The following CSMD1 variants were observed in gnomAD, a reference collection of about 807,000 sequenced individuals.
CSMD1 encodes the protein CUB and sushi domain-containing protein 1.
CSMD1 carries 213 observed loss-of-function variants against 417.5 expected under a neutral mutation model. The observed-to-expected ratio is 0.51, with a 90% confidence interval of 0.46 to 0.57. The LOEUF is 0.57. Ranked by LOEUF, CSMD1 falls within the 20% of genes least tolerant of loss-of-function variation. The probability of loss-of-function intolerance (pLI) is 0.00; values close to 1 mark genes in which losing one functional copy is unlikely to be tolerated. For synonymous variants in CSMD1, 2,862 were observed against 1,736.8 expected (o/e 1.65, Z -16.11); for missense variants, 6,923 against 4,529.7 (o/e 1.53, Z -15.17).
intron 3 of CSMD1, among the ~76,000 whole-genome samples, chr8:4,137,973 G>GA: frequency 6.7e-6 from 1 of 148,642 alleles, no homozygotes; most frequent in Non-Finnish European, 1.5e-5. Flanking sequence ...CATCTCCTCG[G>GA]TTCACGCCAT....
intron 3 of CSMD1, among the ~76,000 whole-genome samples, chr8:4,297,415 A>T (rs1054865361): frequency 1.3e-5 from 2 of 152,158 alleles, no homozygotes; most frequent in Non-Finnish European, 2.9e-5. Flanking sequence ...TAAGAAGTGA[A>T]TGTTAAACGG....
intron 3 of CSMD1, among the ~76,000 whole-genome samples, chr8:4,188,539 T>G (rs1042994701): frequency 6.6e-6 from 1 of 152,064 alleles, no homozygotes; most frequent in African/African-American, 2.4e-5. Flanking sequence ...GAGGCTGTCT[T>G]TAGGAATTCA....
chr8:3,703,240 C>T (rs892688076), intron 7 of CSMD1, among the ~76,000 whole-genome samples: 9 of 152,096 alleles, frequency 5.9e-5, no homozygotes, highest in Admixed American at 1.3e-4. Context: ...ACTACAGTCG[C>T]GCTGCCCTAT....
At chr8:2,965,319 C>A (rs1803860908) in intron 59 of CSMD1, among the ~76,000 whole-genome samples, 3 of 152,172 alleles carry the variant, frequency 2.0e-5, no homozygotes, top group Admixed American at 1.3e-4. Context: ...GCAACCAAAC[C>A]CCATGAAACA....
intron 42 of CSMD1, among the ~76,000 whole-genome samples, chr8:3,111,713 T>C (rs1411228992): frequency 6.6e-6 from 1 of 152,004 alleles, no homozygotes; most frequent in African/African-American, 2.4e-5. Context: ...ACGCCTGTAA[T>C]CCCAAGTACT....
chr8:4,086,322 C>T (rs146073564), intron 3 of CSMD1, among the ~76,000 whole-genome samples: 4 of 152,128 alleles, frequency 2.6e-5, no homozygotes, highest in Non-Finnish European at 1.5e-5. Flanking sequence ...AGTTCCAAAG[C>T]CTTTTTCATT....
chr8:4,675,285 T>C (rs558202999), intron 1 of CSMD1, among the ~76,000 whole-genome samples: 9 of 152,336 alleles, frequency 5.9e-5, no homozygotes, highest in South Asian at 4.1e-4. Context: ...TGAAGGGGCA[T>C]TGTTGGAGCC....
intron 51 of CSMD1, among the ~76,000 whole-genome samples, chr8:3,026,057 G>A (rs1344340705): frequency 6.6e-6 from 1 of 152,126 alleles, no homozygotes; most frequent in African/African-American, 2.4e-5. Context: ...GCAGAACTCT[G>A]AGGATGTTAG....
chr8:4,646,091 G>C (rs767871857), intron 1 of CSMD1, among the ~76,000 whole-genome samples: 1 of 152,098 alleles, frequency 6.6e-6, no homozygotes, highest in Non-Finnish European at 1.5e-5. Context: ...CTGAGTCTTC[G>C]CTTCAGAGAC....
intron 3 of CSMD1, among the ~76,000 whole-genome samples, chr8:4,249,493 A>G (rs1332339417): frequency 6.6e-6 from 1 of 152,220 alleles, no homozygotes; most frequent in Non-Finnish European, 1.5e-5. Context: ...ATTTTATTTA[A>G]TGCGGAAGGA....
chr8:4,299,557 A>G (rs954864317), intron 3 of CSMD1, among the ~76,000 whole-genome samples: 7 of 152,246 alleles, frequency 4.6e-5, no homozygotes, highest in Non-Finnish European at 1.0e-4. Flanking sequence ...CTAGCTTCTC[A>G]TAAAATTTAA....
chr8:4,789,402 C>T (rs1271085306), intron 1 of CSMD1, among the ~76,000 whole-genome samples: 1 of 152,176 alleles, frequency 6.6e-6, no homozygotes, highest in Admixed American at 6.5e-5. Context: ...TTTTTACCTA[C>T]ACTCTCGTAT....
intron 1 of CSMD1, among the ~76,000 whole-genome samples, chr8:4,951,452 GGAAGGAAA>G (rs1433604697): frequency 1.4e-5 from 2 of 148,068 alleles, no homozygotes; most frequent in Admixed American, 1.4e-4. Flanking sequence ...AGGGAAGGAA[GGAAGGAAA>G]GAAGGAAGGA....
At chr8:4,772,183 G>A (rs961542786) in intron 1 of CSMD1, among the ~76,000 whole-genome samples, 3 of 152,044 alleles carry the variant, frequency 2.0e-5, no homozygotes, top group South Asian at 2.1e-4. Flanking sequence ...TTTTCTTGCT[G>A]GCTGATGTCC....
chr8:3,505,177 T>G (rs1228671215), intron 10 of CSMD1, among the ~76,000 whole-genome samples: 1 of 152,100 alleles, frequency 6.6e-6, no homozygotes, highest in African/African-American at 2.4e-5. Flanking sequence ...GTAGAGTAAG[T>G]ATTAAAAAAT....
At chr8:3,464,431 G>T (rs886814714) in intron 12 of CSMD1, among the ~76,000 whole-genome samples, 1 of 151,868 alleles carries the variant, frequency 6.6e-6, no homozygotes, top group Non-Finnish European at 1.5e-5. Context: ...ATTTTCTGTG[G>T]ACTAACAATC....
intron 1 of CSMD1, among the ~76,000 whole-genome samples, chr8:4,838,564 G>A (rs977815296): frequency 6.6e-6 from 1 of 152,206 alleles, no homozygotes; most frequent in African/African-American, 2.4e-5. Flanking sequence ...CCTGGGTGGG[G>A]GTGCATGTTG....
chr8:4,753,792 T>A (rs1264435460), intron 1 of CSMD1, among the ~76,000 whole-genome samples: 1 of 152,190 alleles, frequency 6.6e-6, no homozygotes, highest in Non-Finnish European at 1.5e-5. Flanking sequence ...CACCACTGCC[T>A]CCTCCTTTAC....
intron 3 of CSMD1, among the ~76,000 whole-genome samples, chr8:4,272,389 C>G (rs1804659452): frequency 6.6e-6 from 1 of 152,098 alleles, no homozygotes; most frequent in East Asian, 1.9e-4. Context: ...GTCTCAGTTT[C>G]CAAGACCTAT....
Sources: allele counts gnomAD v4.1 joint callset (sites outside exome capture counted in the v4.1 genomes callset), GRCh38; gene constraint gnomAD v4.1.1; transcripts MANE v1.5; gene names NCBI Gene and HGNC (gene_info 2026-07-23, HGNC 2026-07-21).